Variants in MAGI1 observed in about 807,000 individuals in gnomAD.
MAGI1 encodes membrane associated guanylate kinase, WW and PDZ domain containing 1, also known as membrane-associated guanylate kinase, WW and PDZ domain-containing protein 1.
In MAGI1, 58 loss-of-function variants were observed where a neutral mutation model predicts 139.9. The ratio of observed to expected loss-of-function variants is 0.41; its 90% confidence interval spans 0.34 to 0.52. MAGI1 has a LOEUF of 0.52. Among genes scored for constraint, MAGI1 ranks in the 20% least tolerant of loss-of-function variants. The probability of loss-of-function intolerance (pLI) is 0.12; values close to 1 mark genes in which losing one functional copy is unlikely to be tolerated. For synonymous variants in MAGI1, 812 were observed against 737.9 expected (o/e 1.10, Z -1.63); for missense variants, 1,874 against 1,901.6 (o/e 0.99, Z 0.27).
At chr3:65,926,628 G>A (rs2062536832) in intron 1 of MAGI1, among the ~76,000 whole-genome samples, 1 of 152,136 alleles carries the variant, frequency 6.6e-6, no homozygotes, top group African/African-American at 2.4e-5. Flanking sequence ...ACCTCTGGTT[G>A]TCCTCACTGC....
intron 12 of MAGI1, among the ~76,000 whole-genome samples, chr3:65,427,952 G>C (rs1013535745): frequency 2.0e-5 from 3 of 152,112 alleles, no homozygotes; most frequent in African/African-American, 7.2e-5. Context: ...GGTACAAGAA[G>C]AGACTTGAAA....
intron 3 of MAGI1, among the ~76,000 whole-genome samples, chr3:65,489,039 G>C (rs1192635890): frequency 3.3e-5 from 5 of 149,724 alleles, no homozygotes; most frequent in Non-Finnish European, 7.4e-5. Context: ...TGTGGCCAGA[G>C]TGCCTGAATC....
chr3:65,507,338 G>T (rs905751583), intron 2 of MAGI1, among the ~76,000 whole-genome samples: 9 of 152,024 alleles, frequency 5.9e-5, no homozygotes, highest in African/African-American at 1.9e-4. Context: ...TTTTAGATTT[G>T]GCATCAAAAA....
intron 12 of MAGI1, among the ~76,000 whole-genome samples, chr3:65,419,814 C>T (rs1033912228): frequency 6.6e-6 from 1 of 152,086 alleles, no homozygotes; most frequent in African/African-American, 2.4e-5. Flanking sequence ...ACAACCAACC[C>T]GTTCCTTTAC....
intron 1 of MAGI1, among the ~76,000 whole-genome samples, chr3:66,016,243 T>C (rs1428261493): frequency 6.6e-6 from 1 of 152,194 alleles, no homozygotes; most frequent in Non-Finnish European, 1.5e-5. Flanking sequence ...TGCCGAGAGT[T>C]GACTGCATCA....
chr3:65,845,569 T>C (rs2058964102), intron 1 of MAGI1, among the ~76,000 whole-genome samples: 1 of 152,336 alleles, frequency 6.6e-6, no homozygotes, highest in Middle Eastern at 3.4e-3. Context: ...GCATCAGATC[T>C]TAAATTAACC....
At chr3:65,490,256 G>T (rs1247092365) in intron 3 of MAGI1, among the ~76,000 whole-genome samples, 1 of 152,182 alleles carries the variant, frequency 6.6e-6, no homozygotes, top group Non-Finnish European at 1.5e-5. Context: ...TTACCAATGG[G>T]AAAATGGAGA....
chr3:65,667,284 G>A (rs1043245451), intron 1 of MAGI1, among the ~76,000 whole-genome samples: 1 of 152,196 alleles, frequency 6.6e-6, no homozygotes, highest in East Asian at 1.9e-4. Flanking sequence ...CAGCATGGGA[G>A]GGGAGGTTTC....
At chr3:65,670,093 T>C (rs888237925) in intron 1 of MAGI1, among the ~76,000 whole-genome samples, 7 of 152,208 alleles carry the variant, frequency 4.6e-5, no homozygotes, top group African/African-American at 1.7e-4. Context: ...TGTTTCGATT[T>C]TAGCAGAATT....
chr3:65,643,019 T>C (rs2085066355), intron 1 of MAGI1, among the ~76,000 whole-genome samples: 1 of 152,134 alleles, frequency 6.6e-6, no homozygotes, highest in South Asian at 2.1e-4. Flanking sequence ...AAAACAGAAG[T>C]AGAAAAATAT....
intron 1 of MAGI1, among the ~76,000 whole-genome samples, chr3:65,895,314 C>G (rs1433126858): frequency 6.6e-6 from 1 of 152,202 alleles, no homozygotes; most frequent in Non-Finnish European, 1.5e-5. Context: ...CACCTCTTCT[C>G]CAGCCCCTAT....
intron 1 of MAGI1, among the ~76,000 whole-genome samples, chr3:65,700,303 A>T (rs1220096098): frequency 6.6e-6 from 1 of 152,072 alleles, no homozygotes; most frequent in African/African-American, 2.4e-5. Flanking sequence ...TTAGTTGGGC[A>T]TGGTGGTGCA....
intron 2 of MAGI1, among the ~76,000 whole-genome samples, chr3:65,584,805 A>T (rs1042711567): frequency 3.9e-5 from 6 of 152,236 alleles, no homozygotes; most frequent in African/African-American, 1.2e-4. Flanking sequence ...CAAGTATAAC[A>T]GTACTCATTT....
intron 1 of MAGI1, among the ~76,000 whole-genome samples, chr3:65,703,871 T>C (rs895395873): frequency 6.6e-6 from 1 of 152,174 alleles, no homozygotes; most frequent in Non-Finnish European, 1.5e-5. Context: ...TGACCTCCCA[T>C]TAACCCTGGG....
chr3:65,814,338 C>T (rs572901142), intron 1 of MAGI1, among the ~76,000 whole-genome samples: 2 of 152,150 alleles, frequency 1.3e-5, no homozygotes, highest in South Asian at 2.1e-4. Context: ...ATGACTGGTA[C>T]ACAATACTCC....
chr3:65,454,984 A>G (rs1949297345), intron 5 of MAGI1, among the ~76,000 whole-genome samples: 1 of 152,190 alleles, frequency 6.6e-6, no homozygotes, highest in Admixed American at 6.5e-5. Flanking sequence ...CCCTGCTGAG[A>G]CATCACAGAA....
chr3:65,510,473 C>G (rs1187629088), intron 2 of MAGI1, among the ~76,000 whole-genome samples: 1 of 148,880 alleles, frequency 6.7e-6, no homozygotes, highest in African/African-American at 2.5e-5. Context: ...GCTGATGGAG[C>G]TGAAAACCAA....
intron 1 of MAGI1, among the ~76,000 whole-genome samples, chr3:65,945,648 A>G (rs959946823): frequency 6.6e-5 from 10 of 152,234 alleles, no homozygotes; most frequent in African/African-American, 2.4e-4. Context: ...AAATAAGGCA[A>G]ATGCCAAGGT....
chr3:65,619,738 G>C, intron 2 of MAGI1: 1 of 446,436 alleles, frequency 2.2e-6, no homozygotes, highest in Non-Finnish European at 3.0e-6. Context: ...AGAATCCCAA[G>C]TAAGCCCCAG....
Sources: gnomAD v4.1 joint callset for allele counts (sites outside exome capture counted in the v4.1 genomes callset) on GRCh38, gnomAD v4.1.1 for gene constraint, MANE v1.5 for transcripts, NCBI Gene and HGNC (gene_info 2026-07-23, HGNC 2026-07-21) for gene names.